KCNAB1: variants seen among roughly 807,000 people sequenced by gnomAD.
KCNAB1 encodes the protein voltage-gated potassium channel subunit beta-1.
Under a neutral mutation model 64.6 loss-of-function variants are expected in KCNAB1, and 35 were observed. That is an observed-to-expected ratio of 0.54 (90% confidence interval 0.41 to 0.72). The LOEUF (loss-of-function observed/expected upper bound fraction) is 0.72. KCNAB1 is among the 30% of genes least tolerant of loss of function. The probability of loss-of-function intolerance (pLI) is 0.00; values close to 1 mark genes in which losing one functional copy is unlikely to be tolerated. For synonymous variants in KCNAB1, 177 were observed against 183.8 expected, an observed-to-expected ratio of 0.96 and a Z score of 0.30; for missense variants, 401 against 512.9, an observed-to-expected ratio of 0.78 and a Z score of 2.11.
chr3:156,467,565 T>C (rs1225057114), intron 7 of KCNAB1, among the ~76,000 whole-genome samples: 2 of 152,142 alleles, frequency 1.3e-5, no homozygotes, highest in Non-Finnish European at 2.9e-5. Flanking sequence ...CTTCTTCACC[T>C]TTTCTCTATG....
chr3:156,153,315 A>G (rs926635197), intron 1 of KCNAB1, among the ~76,000 whole-genome samples: 1 of 152,150 alleles, frequency 6.6e-6, no homozygotes, highest in Non-Finnish European at 1.5e-5. Flanking sequence ...TAGGTCCTTA[A>G]ATCTTGGATT....
intron 2 of KCNAB1, among the ~76,000 whole-genome samples, chr3:156,426,288 A>ATAT (rs1225877995): frequency 2.6e-5 from 4 of 152,074 alleles, no homozygotes; most frequent in African/African-American, 7.2e-5. Context: ...CTTTTTCTGC[A>ATAT]TATTATTATT....
At chr3:156,378,035 A>C (rs1711828986) in intron 1 of KCNAB1, among the ~76,000 whole-genome samples, 1 of 152,170 alleles carries the variant, frequency 6.6e-6, no homozygotes, top group African/African-American at 2.4e-5. Context: ...AAGGATAATT[A>C]ATGTGTATAT....
chr3:156,173,440 TGGA>T (rs1712143285), intron 1 of KCNAB1, among the ~76,000 whole-genome samples: 2 of 152,208 alleles, frequency 1.3e-5, no homozygotes, highest in Non-Finnish European at 2.9e-5. Context: ...TTAAACACAC[TGGA>T]AATGGGTTAT....
chr3:156,233,275 A>G (rs756313948), intron 1 of KCNAB1, among the ~76,000 whole-genome samples: 9 of 152,174 alleles, frequency 5.9e-5, no homozygotes, highest in African/African-American at 9.6e-5. Flanking sequence ...GAAAAATAAA[A>G]CCAGAATGGA....
intron 8 of KCNAB1, among the ~76,000 whole-genome samples, chr3:156,511,034 C>G (rs1717171971): frequency 6.6e-6 from 1 of 152,188 alleles, no homozygotes; most frequent in Non-Finnish European, 1.5e-5. Context: ...ATATACACCT[C>G]TGGCCCAGAT....
At position 156,500,602 on chromosome 3, in the gene KCNAB1, C is replaced by A. The variant is rs530844134; in HGVS notation, c.659-13762C>A. On this transcript the variant is annotated intron_variant, in intron 8 of 13. Transcript: ENST00000490337. ...ATAGTTAAATGAAGGGTAACAACAA[C>A]TTATATCTTTCCACATGTTGCTGAT... Among the ~76,000 whole-genome samples, 108 of 152,188 alleles carry A rather than the reference C, an allele frequency of 7.1e-4. 3 individuals are homozygous for A. In the South Asian group the frequency reaches 0.021, roughly 30 times the overall value.
chr3:156,144,116 T>C (rs1047202139), intron 1 of KCNAB1, among the ~76,000 whole-genome samples: 12 of 152,298 alleles, frequency 7.9e-5, no homozygotes, highest in Middle Eastern at 3.4e-3. Context: ...AGAGCAATTA[T>C]TGCTCCTGCA....
chr3:156,448,799 T>G (rs1339799081), intron 2 of KCNAB1, among the ~76,000 whole-genome samples: 1 of 145,978 alleles, frequency 6.9e-6, no homozygotes, highest in African/African-American at 2.8e-5. Flanking sequence ...GATGTTTGTT[T>G]GGTAGGAAAT....
chr3:156,262,200 ATT>A (rs534864306), intron 1 of KCNAB1, among the ~76,000 whole-genome samples: 2 of 151,748 alleles, frequency 1.3e-5, no homozygotes, highest in Non-Finnish European at 3.0e-5. Context: ...CCTTTTATTT[ATT>A]TTTTATTGCA....
chr3:156,430,767 C>A (rs1205317578), intron 2 of KCNAB1, among the ~76,000 whole-genome samples: 2 of 152,148 alleles, frequency 1.3e-5, no homozygotes, highest in Non-Finnish European at 2.9e-5. Context: ...TCTTCATGTC[C>A]CAAACTTCCG....
intron 1 of KCNAB1, among the ~76,000 whole-genome samples, chr3:156,295,213 A>G (rs973595289): frequency 7.9e-5 from 12 of 152,214 alleles, no homozygotes; most frequent in African/African-American, 2.7e-4. Context: ...CTTCAGTTCC[A>G]GAATTAATGA....
chr3:156,510,370 T>C (rs776595218), intron 8 of KCNAB1, among the ~76,000 whole-genome samples: 7 of 152,194 alleles, frequency 4.6e-5, no homozygotes, highest in Non-Finnish European at 7.4e-5. Flanking sequence ...CCCATCATCT[T>C]GACAAAAGTG....
At chr3:156,359,520 T>C (rs142260509) in intron 1 of KCNAB1, among the ~76,000 whole-genome samples, 2,025 of 152,374 alleles carry the variant, frequency 0.013, 16 homozygotes, top group South Asian at 0.031. Context: ...ATCGGTTGAC[T>C]GTTGCTGCTT....
At chr3:156,477,616 C>T (rs1374911168) in intron 8 of KCNAB1, among the ~76,000 whole-genome samples, 1 of 152,114 alleles carries the variant, frequency 6.6e-6, no homozygotes, top group Non-Finnish European at 1.5e-5. Flanking sequence ...GTGAGCTTTT[C>T]CTAGCTTTCA....
intron 1 of KCNAB1, among the ~76,000 whole-genome samples, chr3:156,203,877 C>T (rs1277269998): frequency 6.6e-6 from 1 of 152,092 alleles, no homozygotes; most frequent in East Asian, 1.9e-4. Context: ...GTTTTGTATT[C>T]TTTCTTGCTT....
chr3:156,191,126 A>G (rs187029484), intron 1 of KCNAB1, among the ~76,000 whole-genome samples: 1 of 152,384 alleles, frequency 6.6e-6, no homozygotes, highest in East Asian at 1.9e-4. Context: ...GTAGAAATAA[A>G]CAAATATCAA....
intron 8 of KCNAB1, among the ~76,000 whole-genome samples, chr3:156,499,214 G>A (rs1407514859): frequency 1.3e-5 from 2 of 152,186 alleles, no homozygotes; most frequent in East Asian, 3.8e-4. Flanking sequence ...GAGTTTTGAT[G>A]GGAAATCATG....
chr3:156,274,369 T>A (rs1013476498), intron 1 of KCNAB1, among the ~76,000 whole-genome samples: 3 of 152,364 alleles, frequency 2.0e-5, no homozygotes, highest in Non-Finnish European at 4.4e-5. Context: ...TAAGAGAAAT[T>A]ACCTATGCTT....
Sources: gnomAD v4.1 joint callset for allele counts (sites outside exome capture counted in the v4.1 genomes callset) on GRCh38, gnomAD v4.1.1 for gene constraint, MANE v1.5 for transcripts, NCBI Gene and HGNC (gene_info 2026-07-23, HGNC 2026-07-21) for gene names.